The following ERBB4 variants were observed in gnomAD, a reference collection of about 807,000 sequenced individuals.
The protein encoded by ERBB4 is erb-b2 receptor tyrosine kinase 4, also known as receptor tyrosine-protein kinase erbB-4.
Under a neutral mutation model 158.0 loss-of-function variants are expected in ERBB4, and 42 were observed. The ratio of observed to expected loss-of-function variants is 0.27; its 90% CI spans 0.21 to 0.34. ERBB4 has a LOEUF of 0.34. ERBB4 is among the 10% of genes least tolerant of loss of function. The pLI is 1.00. For missense variants in ERBB4, 1,333 were observed against 1,624.1 expected, an observed-to-expected ratio of 0.82 and a Z score of 3.08; for synonymous variants, 583 against 558.7, an observed-to-expected ratio of 1.04 and a Z score of -0.61.
chr2:212,118,079 T>C (rs1338331011), intron 2 of ERBB4, among the ~76,000 whole-genome samples: 1 of 152,150 alleles, frequency 6.6e-6, no homozygotes, highest in African/African-American at 2.4e-5. Context: ...GAGGAAGATA[T>C]GGAAAACAGA....
At chr2:212,260,830 A>G (rs2084917684) in intron 1 of ERBB4, among the ~76,000 whole-genome samples, 1 of 152,112 alleles carries the variant, frequency 6.6e-6, no homozygotes. Context: ...TAAAAAAAAA[A>G]AGTAGGCACT....
At chr2:211,602,249 G>A (rs1029511393) in intron 19 of ERBB4, among the ~76,000 whole-genome samples, 7 of 152,086 alleles carry the variant, frequency 4.6e-5, no homozygotes, top group African/African-American at 1.7e-4. Context: ...ATAGTTCTTT[G>A]ACATGAAAAC....
intron 17 of ERBB4, among the ~76,000 whole-genome samples, chr2:211,629,551 A>C (rs1239919307): frequency 6.6e-6 from 1 of 152,140 alleles, no homozygotes; most frequent in Non-Finnish European, 1.5e-5. Flanking sequence ...AACTACTTTA[A>C]AATTCATATG....
At chr2:211,449,430 C>T (rs534783809) in intron 20 of ERBB4, among the ~76,000 whole-genome samples, 2 of 152,226 alleles carry the variant, frequency 1.3e-5, no homozygotes, top group South Asian at 4.1e-4. Flanking sequence ...AATGGTTATT[C>T]ATTATAATAT....
At chr2:212,060,755 A>G (rs937431905) in intron 2 of ERBB4, among the ~76,000 whole-genome samples, 8 of 149,352 alleles carry the variant, frequency 5.4e-5, no homozygotes, top group African/African-American at 9.7e-5. Context: ...ATGGGAATTG[A>G]ACAATGAGAA....
At chr2:211,977,801 A>G (rs2081656890) in intron 2 of ERBB4, among the ~76,000 whole-genome samples, 1 of 143,524 alleles carries the variant, frequency 7.0e-6, no homozygotes, top group Non-Finnish European at 1.5e-5. Flanking sequence ...GCACTGAGCC[A>G]TTGCAACCAG....
intron 2 of ERBB4, among the ~76,000 whole-genome samples, chr2:211,994,881 T>G (rs1010953285): frequency 1.3e-5 from 2 of 152,030 alleles, no homozygotes; most frequent in South Asian, 2.1e-4. Context: ...TCCCTAATGC[T>G]TCATGCAGTT....
chr2:212,019,412 A>T (rs1409285669), intron 2 of ERBB4, among the ~76,000 whole-genome samples: 1 of 152,182 alleles, frequency 6.6e-6, no homozygotes, highest in Non-Finnish European at 1.5e-5. Context: ...AACATAAAAA[A>T]TTTAGCACAC....
intron 2 of ERBB4, among the ~76,000 whole-genome samples, chr2:212,092,669 T>C (rs926356796): frequency 6.6e-6 from 1 of 152,214 alleles, no homozygotes; most frequent in Non-Finnish European, 1.5e-5. Flanking sequence ...GATTAGATGG[T>C]TGAATACGTT....
At chr2:212,198,908 C>T (rs1053640670) in intron 1 of ERBB4, among the ~76,000 whole-genome samples, 8 of 151,920 alleles carry the variant, frequency 5.3e-5, no homozygotes, top group African/African-American at 1.9e-4. Flanking sequence ...ATCCCTTCAT[C>T]TGTTGATGTT....
At chr2:212,325,812 C>T (rs2087798964) in intron 1 of ERBB4, among the ~76,000 whole-genome samples, 1 of 150,478 alleles carries the variant, frequency 6.6e-6, no homozygotes, top group Non-Finnish European at 1.5e-5. Context: ...ACCAAAGGTG[C>T]ACTTTTGGGT....
At chr2:211,823,453 A>G (rs113166885) in intron 3 of ERBB4, among the ~76,000 whole-genome samples, 1 of 151,818 alleles carries the variant, frequency 6.6e-6, no homozygotes, top group South Asian at 2.1e-4. Context: ...TATTCATTTT[A>G]TATGTATCTT....
At chr2:211,988,265 G>C (rs1455891836) in intron 2 of ERBB4, among the ~76,000 whole-genome samples, 1 of 152,034 alleles carries the variant, frequency 6.6e-6, no homozygotes, top group Non-Finnish European at 1.5e-5. Flanking sequence ...ATAACAAAGA[G>C]TACTTAAGTT....
At chr2:211,438,532 G>A (rs1016581502) in intron 20 of ERBB4, among the ~76,000 whole-genome samples, 3 of 152,002 alleles carry the variant, frequency 2.0e-5, no homozygotes, top group Non-Finnish European at 4.4e-5. Flanking sequence ...AGGATTCAAT[G>A]GCTTAAAATT....
chr2:211,914,854 TG>T (rs2079643824), intron 3 of ERBB4, among the ~76,000 whole-genome samples: 1 of 152,114 alleles, frequency 6.6e-6, no homozygotes, highest in African/African-American at 2.4e-5. Flanking sequence ...ATTATTACTA[TG>T]TATATTTTAT....
intron 4 of ERBB4, chr2:211,779,860 G>T (rs900330354): frequency 6.6e-6 from 1 of 152,116 alleles, no homozygotes; most frequent in Admixed American, 6.5e-5. Context: ...CAGTAAAATT[G>T]TTACACAACT....
At chr2:212,386,137 A>C (rs2090665895) in intron 1 of ERBB4, among the ~76,000 whole-genome samples, 2 of 147,918 alleles carry the variant, frequency 1.4e-5, no homozygotes, top group Admixed American at 6.8e-5. Flanking sequence ...TTAAAATACA[A>C]AAAAAAAAAA....
chr2:212,033,140 A>C (rs1236860660), intron 2 of ERBB4, among the ~76,000 whole-genome samples: 3 of 151,976 alleles, frequency 2.0e-5, no homozygotes, highest in Non-Finnish European at 4.4e-5. Flanking sequence ...TAAATGTACC[A>C]TTTTAGTCTA....
intron 1 of ERBB4, among the ~76,000 whole-genome samples, chr2:212,514,964 G>T (rs926455331): frequency 6.6e-6 from 1 of 151,960 alleles, no homozygotes; most frequent in Non-Finnish European, 1.5e-5. Context: ...CTTGTATGAG[G>T]GAAAAATGTG....
Sources: allele counts gnomAD v4.1 joint callset (sites outside exome capture counted in the v4.1 genomes callset), GRCh38; gene constraint gnomAD v4.1.1; transcripts MANE v1.5; gene names NCBI Gene and HGNC (gene_info 2026-07-23, HGNC 2026-07-21).